Variants in CNTD1 observed in about 807,000 individuals in gnomAD.
CNTD1 encodes the protein cyclin N-terminal domain containing 1.
A neutral mutation model predicts 36.3 loss-of-function variants in CNTD1; 17 were observed. The observed-to-expected ratio is 0.47, with a 90% CI of 0.32 to 0.70. The LOEUF (loss-of-function observed/expected upper bound fraction) is 0.70, where lower values mean the gene tolerates loss of function less well. Ranked by LOEUF, CNTD1 falls within the 30% of genes least tolerant of loss-of-function variation. The probability of loss-of-function intolerance (pLI) is 0.03; values close to 1 mark genes in which losing one functional copy is unlikely to be tolerated. For missense variants in CNTD1, 338 were observed against 386.1 expected (o/e 0.88, Z 1.04); for synonymous variants, 128 against 153.3 (o/e 0.83, Z 1.22).
At chr17:42,804,185 T>G in intron 2 of CNTD1, 40 bp from the exon 3 acceptor site, 3 of 1,570,350 alleles carry the variant, frequency 1.9e-6, no homozygotes, top group Non-Finnish European at 1.7e-6. Context: ...CTTTAGTTTG[T>G]GTGAGTGAGG....
intron 4 of CNTD1, 89 bp from the exon 5 acceptor site, chr17:42,806,585 G>A: frequency 2.3e-6 from 3 of 1,332,986 alleles, no homozygotes; most frequent in Admixed American, 1.8e-5. Flanking sequence ...AAGCACATTA[G>A]CACCTCAACA....
chr17:42,804,425 C>T, intron 3 of CNTD1, 29 bp downstream of exon 3: 1 of 1,602,812 alleles, frequency 6.2e-7, no homozygotes, highest in African/African-American at 1.3e-5. Context: ...TCATGGGCAC[C>T]TGAGTGTTAG....
At position 42,811,277 on chromosome 17, in the gene CNTD1, T is replaced by C; in HGVS notation, c.*1742T>C. ...AAAGAAATGCTTTGTTTTGGGGTGA[T>C]AGAAGCAGCCTTACTCTAAGTAAAA... On this transcript the variant is annotated 3_prime_UTR_variant, in exon 7 of 7. Transcript: ENST00000588408. 1 of 280,568 alleles carries C rather than the reference T, an allele frequency of 3.6e-6. No individual in the cohort carries two copies. The highest frequency in any genetic ancestry group is 6.6e-6 in the Non-Finnish European group (1 of 152,468). 17.4% of individuals were successfully genotyped at this position (280,568 alleles called of 1,614,324 possible).
Position 42,809,310 on chromosome 17 carries a change from C to T in CNTD1, c.823-55C>T, listed in dbSNP as rs868310838. 1.3e-5 allele frequency: 19 copies of T among 1,439,742 alleles called. No individual in the cohort carries two copies. The Middle Eastern group carries it at 1.1e-3, about 81-fold the overall frequency. The allele number at this position is 1,439,742 out of a possible 1,614,324, so 89.2% of individuals were successfully genotyped here. A position where few individuals can be genotyped will look rare whatever the true frequency, so the allele number is the denominator to read the frequency against. On this transcript the variant is annotated intron_variant, in intron 6 of 6. Coordinates refer to ENST00000588408, the MANE Select transcript of CNTD1 (RefSeq NM_173478.3). The stretch of plus-strand genomic sequence containing the variant: ...ATCCCAAGTAATGTGTGTGTTTGTG[C>T]ACTAAAATGTGTTGAGATTTTTTAG...
intron 6 of CNTD1, 93 bp downstream of exon 6, chr17:42,807,957 A>G: frequency 1.1e-6 from 1 of 929,752 alleles, no homozygotes; most frequent in South Asian, 1.4e-5. Flanking sequence ...GACAACCTAC[A>G]GAAGTGCCAA....
At chr17:42,803,732 CTCAGAGTGGCTAATGTACCTACA>C in intron 2 of CNTD1, 37 bp downstream of exon 2, 1 of 1,504,288 alleles carries the variant, frequency 6.6e-7, no homozygotes, top group East Asian at 2.3e-5. Flanking sequence ...AACGGCACCT[CTCAGAGTGGCTAATGTACCTACA>C]TCTTTAAGAA....
At chr17:42,799,674 C>T (rs1404314225) in intron 1 of CNTD1, among the ~76,000 whole-genome samples, 1 of 146,982 alleles carries the variant, frequency 6.8e-6, no homozygotes, top group Non-Finnish European at 1.5e-5. Flanking sequence ...ACTGTTTGAA[C>T]CCAGGAGGCG....
Position 42,810,469 on chromosome 17 carries a change from TA to T in CNTD1, c.*942del. Reference sequence around the variant, plus strand: ...CACATCAATCTCAATTCAACTCAGTTAAAAAAAAGAAAAGCAAATTTAAATT... The same window carrying T: ...CACATCAATCTCAATTCAACTCAGTTAAAAAAAGAAAAGCAAATTTAAATT... On this transcript the variant is annotated 3_prime_UTR_variant, in exon 7 of 7. Coordinates refer to ENST00000588408, the MANE Select transcript of CNTD1 (RefSeq NM_173478.3). The T allele has an allele frequency of 9.1e-5, 19 of 207,676 alleles. No individual in the cohort carries two copies. Among genetic ancestry groups the T allele is most frequent in the Non-Finnish European group, 1.1e-4 (12 of 104,892 alleles). The allele number at this position is 207,676 out of a possible 1,614,324, so 12.9% of individuals were successfully genotyped here. A position where few individuals can be genotyped will look rare whatever the true frequency, so the allele number is the denominator to read the frequency against.
rs1294268129 is a variant in CNTD1 at position 42,801,506 on chromosome 17, AAAAAATATATATATAT to A, written c.170-2112_170-2097del. Among the ~76,000 whole-genome samples the A allele has an allele frequency of 2.5e-4, 13 of 52,716 alleles. 1 individual carries two copies. The highest frequency in any genetic ancestry group is 1.8e-3 in the African/African-American group (11 of 6,118). The allele number at this position is 52,716 out of a possible 152,430, so 34.6% of individuals were successfully genotyped here. ...GTGAGACCTTGTCTCAAAAAAAAAA[AAAAAATATATATATAT>A]ATATATATATATATATATATATATA... On this transcript the variant is annotated intron_variant, in intron 1 of 6. Coordinates refer to ENST00000588408, the MANE Select transcript of CNTD1 (RefSeq NM_173478.3).
chr17:42,801,671 G>T (rs2054799032), intron 1 of CNTD1, among the ~76,000 whole-genome samples: 1 of 150,816 alleles, frequency 6.6e-6, no homozygotes, highest in South Asian at 2.1e-4. Flanking sequence ...CAAAGAGTAG[G>T]TTAGAAGAGA....
Position 42,803,608 on chromosome 17 carries a change from C to T in CNTD1, c.170-12C>T. ...ATCTTGTGAATTAGGCTCTTTTTTC[C>T]TGTTTTGGCAGAGTTTGTTTTTCTC... is the stretch of plus-strand genomic sequence containing the variant. On this transcript the variant is annotated splice_polypyrimidine_tract_variant and intron_variant, in intron 1 of 6. Coordinates refer to ENST00000588408, the MANE Select transcript of CNTD1 (RefSeq NM_173478.3). 1 of 1,609,982 alleles carries T rather than the reference C, an allele frequency of 6.2e-7. No homozygotes were observed. Among genetic ancestry groups the T allele is most frequent in the Admixed American group, 1.7e-5 (1 of 59,160 alleles).
chr17:42,809,563 A>G lies in CNTD1; in HGVS notation c.*28A>G. On this transcript the variant is annotated 3_prime_UTR_variant, in exon 7 of 7. Coordinates refer to ENST00000588408, the MANE Select transcript of CNTD1 (RefSeq NM_173478.3). ...GAGGCTGAATCCACCAAATATAAAC[A>G]GCCATCCGTCACTGCACTCATGCCT... is the stretch of plus-strand genomic sequence containing the variant. 1 of 1,607,484 alleles carries G rather than the reference A, an allele frequency of 6.2e-7. No homozygotes were observed. The highest frequency in any genetic ancestry group is 1.1e-5 in the South Asian group (1 of 90,812).
chr17:42,799,396 T>C (rs2054733358), intron 1 of CNTD1, among the ~76,000 whole-genome samples, 160 bp downstream of exon 1: 1 of 152,128 alleles, frequency 6.6e-6, no homozygotes, highest in Non-Finnish European at 1.5e-5. Context: ...GTCACAACAG[T>C]GCCCTCCCCT....
intron 1 of CNTD1, among the ~76,000 whole-genome samples, chr17:42,801,551 T>TA (rs1439761341): frequency 1.3e-5 from 1 of 77,992 alleles, no homozygotes; most frequent in Admixed American, 1.6e-4. Context: ...ATATATAATA[T>TA]ATGTGTGTGT....
intron 5 of CNTD1, 129 bp from the exon 6 acceptor site, chr17:42,807,639 T>C (rs2054902615): frequency 2.9e-6 from 2 of 685,210 alleles, no homozygotes; most frequent in East Asian, 2.7e-5. Flanking sequence ...TACTTGACCA[T>C]TTCCTTCCAT....
intron 1 of CNTD1, among the ~76,000 whole-genome samples, chr17:42,799,752 CAAAAAAAAAAAAAAAAAAA>C (rs780393099): frequency 9.4e-5 from 1 of 10,586 alleles, no homozygotes; most frequent in Non-Finnish European, 2.1e-4. Context: ...AACTCCGTCT[CAAAAAAAAAAAAAAAAAAA>C]AAAAAAAAAA....
At chr17:42,809,335 G>T in intron 6 of CNTD1, 30 bp from the exon 7 acceptor site, 1 of 1,578,124 alleles carries the variant, frequency 6.3e-7, no homozygotes. Flanking sequence ...AGATTTTTTA[G>T]TAATAAGAAA....
At position 42,809,666 on chromosome 17, in the gene CNTD1, C is replaced by A; in HGVS notation, c.*131C>A. ...CTGTATTTTGTATGCCAATTTCATG[C>A]TTATTTTTCCTTTATCAGAGAGAGT... is the stretch of plus-strand genomic sequence containing the variant. On this transcript the variant is annotated 3_prime_UTR_variant, in exon 7 of 7. Transcript: ENST00000588408. 2.6e-6 allele frequency: 2 copies of A among 769,444 alleles called. No homozygotes were observed. The highest frequency in any genetic ancestry group is 4.1e-6 in the Non-Finnish European group (2 of 492,622). 47.7% of individuals were successfully genotyped at this position (769,444 alleles called of 1,614,324 possible).
intron 1 of CNTD1, among the ~76,000 whole-genome samples, chr17:42,802,172 G>A (rs2054806866): frequency 6.6e-6 from 1 of 152,088 alleles, no homozygotes; most frequent in African/African-American, 2.4e-5. Context: ...TTTGAGACCA[G>A]CCTGGGCAAC....
Sources: allele counts gnomAD v4.1 joint callset (sites outside exome capture counted in the v4.1 genomes callset), GRCh38; gene constraint gnomAD v4.1.1; transcripts MANE v1.5; gene names NCBI Gene and HGNC (gene_info 2026-07-23, HGNC 2026-07-21).